SNTB1: variants seen among roughly 807,000 people sequenced by gnomAD.
The protein encoded by SNTB1 is syntrophin beta 1, also known as beta-1-syntrophin.
In SNTB1, 36 loss-of-function variants were observed where a neutral mutation model predicts 48.9. The ratio of observed to expected loss-of-function variants is 0.74; its 90% CI spans 0.56 to 0.97. The LOEUF is 0.97. Ranked by LOEUF, SNTB1 falls within the 50% of genes least tolerant of loss-of-function variation. The pLI is 0.00. For missense variants in SNTB1, 786 were observed against 703.4 expected (o/e 1.12, Z -1.33); for synonymous variants, 299 against 294.6 (o/e 1.01, Z -0.15).
chr8:120,775,577 AAG>A (rs1314868646), intron 1 of SNTB1: 2 of 152,076 alleles, frequency 1.3e-5, no homozygotes, highest in African/African-American at 4.8e-5. Context: ...GAAAGAAAAA[AAG>A]AGAGCGATGA....
At chr8:120,621,743 C>G (rs1014612052) in intron 3 of SNTB1, among the ~76,000 whole-genome samples, 1 of 152,080 alleles carries the variant, frequency 6.6e-6, no homozygotes, top group Non-Finnish European at 1.5e-5. Flanking sequence ...TGACCAGAAA[C>G]CAACTATCAT....
At position 120,575,090 on chromosome 8, in the gene SNTB1, T is replaced by A; in HGVS notation, c.1132A>T (p.Thr378Ser). Reference protein sequence around the residue: ...SPVHTYPLLATRLVHSGPGKG... With the variant: ...SPVHTYPLLASRLVHSGPGKG... ...CAAACACAAGGCCATGGCTACCTGGTGGCAAGAAGAGGGTATGTGTGAACT... is the reference window on the plus strand; with the variant it reads ...CAAACACAAGGCCATGGCTACCTGGAGGCAAGAAGAGGGTATGTGTGAACT... Residue 378 changes from threonine (T) to serine (S), a missense_variant, in exon 4 of 7, where the codon ACC becomes TCC. Thr to Ser is a moderately conservative substitution (Grantham distance 58). Coordinates refer to ENST00000517992, the MANE Select transcript of SNTB1 (RefSeq NM_021021.4). 1 of 1,614,186 alleles carries A rather than the reference T, an allele frequency of 6.2e-7. No homozygotes were observed. The highest frequency in any genetic ancestry group is 8.5e-7 in the Non-Finnish European group (1 of 1,180,008).
At chr8:120,708,049 A>G (rs777333268) in intron 1 of SNTB1, among the ~76,000 whole-genome samples, 1 of 152,072 alleles carries the variant, frequency 6.6e-6, no homozygotes, top group Non-Finnish European at 1.5e-5. Flanking sequence ...AAATAAAAAA[A>G]TTGACATAAA....
intron 1 of SNTB1, among the ~76,000 whole-genome samples, chr8:120,716,207 T>G (rs1196614816): frequency 1.3e-5 from 2 of 152,238 alleles, no homozygotes; most frequent in Non-Finnish European, 2.9e-5. Context: ...TAAATTTTTC[T>G]ACCTCAAGCA....
chr8:120,561,662 T>C (rs1457174389), intron 4 of SNTB1, among the ~76,000 whole-genome samples: 3 of 152,208 alleles, frequency 2.0e-5, no homozygotes, highest in Admixed American at 6.5e-5. Flanking sequence ...ATACACAGTA[T>C]AAAAAGATCT....
intron 3 of SNTB1, among the ~76,000 whole-genome samples, chr8:120,626,264 A>G (rs1816881882): frequency 6.6e-6 from 1 of 152,166 alleles, no homozygotes; most frequent in South Asian, 2.1e-4. Context: ...TAAATAGGTA[A>G]TTAGATAGGG....
chr8:120,588,755 A>G (rs1191054981), intron 3 of SNTB1, among the ~76,000 whole-genome samples: 1 of 152,170 alleles, frequency 6.6e-6, no homozygotes, highest in Non-Finnish European at 1.5e-5. Context: ...ATGTATTTCA[A>G]GGGTATTTCT....
intron 2 of SNTB1, among the ~76,000 whole-genome samples, chr8:120,687,886 G>A: frequency 6.6e-6 from 1 of 152,184 alleles, no homozygotes; most frequent in East Asian, 1.9e-4. Flanking sequence ...AGATGGATCT[G>A]CTAACACTAT....
At chr8:120,698,844 T>C (rs959529661) in intron 1 of SNTB1, among the ~76,000 whole-genome samples, 3 of 152,160 alleles carry the variant, frequency 2.0e-5, no homozygotes, top group African/African-American at 7.2e-5. Flanking sequence ...GAAAACTTCA[T>C]GGTTCTCTGT....
intron 3 of SNTB1, among the ~76,000 whole-genome samples, chr8:120,589,962 A>G (rs1389934309): frequency 6.6e-6 from 1 of 152,184 alleles, no homozygotes; most frequent in Non-Finnish European, 1.5e-5. Flanking sequence ...ATATCCAACC[A>G]GAAAATTCCA....
intron 2 of SNTB1, among the ~76,000 whole-genome samples, chr8:120,641,763 A>G (rs1465717409): frequency 6.6e-6 from 1 of 152,264 alleles, no homozygotes; most frequent in Admixed American, 6.5e-5. Flanking sequence ...TATTACAGTC[A>G]TCCCAGAAAT....
intron 1 of SNTB1, among the ~76,000 whole-genome samples, chr8:120,786,901 C>T (rs559768634): frequency 4.6e-5 from 7 of 152,308 alleles, no homozygotes; most frequent in South Asian, 4.1e-4. Context: ...ATCTCCCACT[C>T]GCCTGAAGCC....
chr8:120,762,167 C>T (rs148015714), intron 1 of SNTB1, among the ~76,000 whole-genome samples: 3,503 of 152,290 alleles, frequency 0.023, 135 homozygotes, highest in African/African-American at 0.08. Flanking sequence ...AGATTTATTA[C>T]AGTATATTTC....
chr8:120,750,618 G>A (rs747583448), intron 1 of SNTB1, among the ~76,000 whole-genome samples: 11 of 152,114 alleles, frequency 7.2e-5, no homozygotes, highest in Non-Finnish European at 1.0e-4. Context: ...AGATGCTGCC[G>A]AAAAGGGAAT....
At chr8:120,745,432 G>A (rs1480954427) in intron 1 of SNTB1, among the ~76,000 whole-genome samples, 1 of 151,990 alleles carries the variant, frequency 6.6e-6, no homozygotes, top group Non-Finnish European at 1.5e-5. Context: ...CATTCCCCAG[G>A]GGACTTCTGA....
chr8:120,589,579 G>C (rs916444107), intron 3 of SNTB1, among the ~76,000 whole-genome samples: 1 of 152,198 alleles, frequency 6.6e-6, no homozygotes, highest in Admixed American at 6.5e-5. Flanking sequence ...AGTCTGGTAA[G>C]TACAAAATCA....
At chr8:120,663,610 A>G (rs1817627258) in intron 2 of SNTB1, among the ~76,000 whole-genome samples, 1 of 152,140 alleles carries the variant, frequency 6.6e-6, no homozygotes, top group Non-Finnish European at 1.5e-5. Context: ...CCCGGCCACA[A>G]GTAGTTCTTG....
At chr8:120,615,842 T>A (rs13273020) in intron 3 of SNTB1, among the ~76,000 whole-genome samples, 5 of 152,008 alleles carry the variant, frequency 3.3e-5, no homozygotes, top group Middle Eastern at 3.4e-3. Context: ...TTATCTTTTC[T>A]TCTTTCTTTC....
intron 3 of SNTB1, among the ~76,000 whole-genome samples, chr8:120,602,476 G>C (rs771001718): frequency 6.6e-6 from 1 of 152,168 alleles, no homozygotes; most frequent in African/African-American, 2.4e-5. Context: ...AAAGACCGAG[G>C]TTCCCCCGAA....
Sources: allele counts gnomAD v4.1 joint callset (sites outside exome capture counted in the v4.1 genomes callset), GRCh38; gene constraint gnomAD v4.1.1; transcripts MANE v1.5; gene names NCBI Gene and HGNC (gene_info 2026-07-23, HGNC 2026-07-21).